The following HYCC2 variants were observed in gnomAD, a reference collection of about 807,000 sequenced individuals.
HYCC2 encodes hyccin PI4KA lipid kinase complex subunit 2.
chr2:200,994,838 A>G, the HYCC2 span, among the ~76,000 whole-genome samples: 1 of 152,022 alleles, frequency 6.6e-6, no homozygotes, highest in Non-Finnish European at 1.5e-5. Context: ...CCATCTCTAT[A>G]ACAAATTTAA....
chr2:200,997,266 A>G, the HYCC2 span: 7 of 484,720 alleles, frequency 1.4e-5, no homozygotes, highest in Non-Finnish European at 2.6e-5. Context: ...TAAAAAACCA[A>G]AACAACAACA....
the HYCC2 span, among the ~76,000 whole-genome samples, chr2:201,037,191 T>C: frequency 6.6e-6 from 1 of 152,144 alleles, no homozygotes; most frequent in Non-Finnish European, 1.5e-5. Flanking sequence ...TTACAAGACA[T>C]GTGAAGGACT....
the HYCC2 span, chr2:201,067,200 C>G: frequency 2.3e-5 from 5 of 218,476 alleles, no homozygotes; most frequent in Admixed American, 4.1e-5. Context: ...AAACTGAGTT[C>G]GGCTGGCTAA....
At chr2:201,021,095 T>C in the HYCC2 span, among the ~76,000 whole-genome samples, 2 of 152,186 alleles carry the variant, frequency 1.3e-5, no homozygotes, top group Non-Finnish European at 2.9e-5. Flanking sequence ...ATACTAAATA[T>C]GGCACATGAC....
the HYCC2 span, chr2:200,980,033 T>C: frequency 6.6e-6 from 1 of 152,618 alleles, no homozygotes; most frequent in Non-Finnish European, 1.5e-5. Flanking sequence ...AGTGTGGTCC[T>C]TGTAGGAGAA....
the HYCC2 span, among the ~76,000 whole-genome samples, chr2:201,027,302 T>G: frequency 1.3e-5 from 2 of 152,120 alleles, no homozygotes; most frequent in Non-Finnish European, 2.9e-5. Flanking sequence ...TAACAGGTTC[T>G]GAAACTGAGG....
the HYCC2 span, among the ~76,000 whole-genome samples, chr2:201,043,622 C>T: frequency 6.6e-6 from 1 of 151,316 alleles, no homozygotes; most frequent in African/African-American, 2.4e-5. Flanking sequence ...CATTCTCCTG[C>T]CTCAGCCTCC....
chr2:201,063,042 G>A, the HYCC2 span: 1 of 1,603,838 alleles, frequency 6.2e-7, no homozygotes, highest in East Asian at 2.2e-5. Context: ...TCTGCCCGTG[G>A]ACGCCGCCGA....
chr2:201,051,921 A>T, the HYCC2 span, among the ~76,000 whole-genome samples: 1 of 152,202 alleles, frequency 6.6e-6, no homozygotes, highest in South Asian at 2.1e-4. Context: ...AAGGAAGGAG[A>T]AAAGTGTGAG....
chr2:201,040,965 C>T, the HYCC2 span, among the ~76,000 whole-genome samples: 1 of 152,116 alleles, frequency 6.6e-6, no homozygotes, highest in East Asian at 1.9e-4. Flanking sequence ...AGCAAGGTTG[C>T]CTAAGGTTAA....
the HYCC2 span, chr2:201,009,192 A>G: frequency 1.6e-6 from 1 of 625,076 alleles, no homozygotes; most frequent in Non-Finnish European, 2.8e-6. Context: ...GCAGTTTTGG[A>G]TCATTTATTC....
the HYCC2 span, among the ~76,000 whole-genome samples, chr2:201,043,512 C>CT: frequency 4.8e-3 from 645 of 133,568 alleles, 3 homozygotes; most frequent in Middle Eastern, 0.024. Context: ...TTCTTTTTTT[C>CT]TTTTTTTTTT....
At chr2:201,011,610 C>A in the HYCC2 span, 1 of 505,996 alleles carries the variant, frequency 2.0e-6, no homozygotes. Context: ...AACATTACCA[C>A]CCTAGTTTAT....
chr2:201,061,430 A>G, the HYCC2 span: 1 of 152,080 alleles, frequency 6.6e-6, no homozygotes, highest in Non-Finnish European at 1.5e-5. Flanking sequence ...TCCATCTGAA[A>G]AAAAAAATAA....
the HYCC2 span, among the ~76,000 whole-genome samples, chr2:200,991,335 C>T: frequency 1.6e-4 from 25 of 151,974 alleles, no homozygotes; most frequent in African/African-American, 6.0e-4. Context: ...CTTGGGAGGC[C>T]GAGGTGGGTG....
At chr2:201,050,169 G>A in the HYCC2 span, among the ~76,000 whole-genome samples, 6 of 150,992 alleles carry the variant, frequency 4.0e-5, no homozygotes, top group African/African-American at 1.2e-4. Flanking sequence ...AGCCATAACT[G>A]TGCCACAACA....
the HYCC2 span, among the ~76,000 whole-genome samples, chr2:201,062,581 G>T: frequency 6.6e-6 from 1 of 151,562 alleles, no homozygotes; most frequent in Non-Finnish European, 1.5e-5. Context: ...AACCTGGGAG[G>T]CAGAGCTTGC....
the HYCC2 span, among the ~76,000 whole-genome samples, chr2:201,026,575 C>T: frequency 3.1e-3 from 479 of 152,288 alleles, no homozygotes; most frequent in Non-Finnish European, 5.2e-3. Flanking sequence ...TAAAGCTCTC[C>T]TCAGCAAATG....
chr2:201,017,212 G>T, the HYCC2 span: 2 of 1,487,574 alleles, frequency 1.3e-6, no homozygotes, highest in South Asian at 1.3e-5. Flanking sequence ...CAATTCTTTT[G>T]GTTGTAACTG....
Sources: gnomAD v4.1 joint callset for allele counts (sites outside exome capture counted in the v4.1 genomes callset) on GRCh38, gnomAD v4.1.1 for gene constraint, MANE v1.5 for transcripts, NCBI Gene and HGNC (gene_info 2026-07-23, HGNC 2026-07-21) for gene names.